Variants in DCP1A observed in about 807,000 individuals in gnomAD.
DCP1A encodes decapping mRNA 1A.
DCP1A carries 20 observed loss-of-function variants against 58.0 expected under a neutral mutation model. That is an observed-to-expected ratio of 0.34 (90% confidence interval 0.24 to 0.50). The LOEUF (loss-of-function observed/expected upper bound fraction) is 0.50. DCP1A is among the 20% of genes least tolerant of loss of function. DCP1A has a pLI of 0.98. For missense variants in DCP1A, 613 were observed against 712.2 expected, an observed-to-expected ratio of 0.86 and a Z score of 1.59; for synonymous variants, 285 against 275.1, an observed-to-expected ratio of 1.04 and a Z score of -0.36.
rs782462657 is a variant in DCP1A, at chr3:53,292,062, C to T, written c.1383+7G>A. On this transcript the variant is annotated splice_region_variant and intron_variant, in intron 7 of 9. Coordinates refer to ENST00000610213, the MANE Select transcript of DCP1A (RefSeq NM_018403.7). ...CACTCTGCCCACCCCCACCCTCCTGCCATTACCTGAAGGGGAGCAAGCACC... is the reference window on the plus strand; with the variant it reads ...CACTCTGCCCACCCCCACCCTCCTGTCATTACCTGAAGGGGAGCAAGCACC... 1.3e-5 allele frequency: 21 copies of T among 1,604,214 alleles called. No homozygotes were observed. Among genetic ancestry groups the T allele is most frequent in the Non-Finnish European group, 1.6e-5 (19 of 1,175,242 alleles).
At chr3:53,308,193 G>A (rs1457932658) in intron 5 of DCP1A, among the ~76,000 whole-genome samples, 8 of 151,792 alleles carry the variant, frequency 5.3e-5, no homozygotes, top group South Asian at 4.2e-4. Flanking sequence ...AATATAAAAC[G>A]TTCTCTGTAA....
rs138110149 is a variant in DCP1A at position 53,344,870 on chromosome 3, TAA to T, written c.176+30_176+31del. ...TTCACATTGTTCACCACTAGACTGT[TAA>T]AAACAAATATACATATTTTAAAAAC... On this transcript the variant is annotated intron_variant, in intron 2 of 9. Transcript: ENST00000610213. 2.4e-4 allele frequency: 370 copies of T among 1,528,048 alleles called. 1 individual carries two copies. In the African/African-American group the frequency reaches 4.6e-3, roughly 19 times the overall value. The allele number at this position is 1,528,048 out of a possible 1,614,324, so 94.7% of individuals were successfully genotyped here.
rs1459175457 is a variant in DCP1A, at chr3:53,292,167, C to G, written c.1285G>C (p.Ala429Pro). 1 of 1,613,974 alleles carries G rather than the reference C, an allele frequency of 6.2e-7. No individual in the cohort carries two copies. The highest frequency in any genetic ancestry group is 8.5e-7 in the Non-Finnish European group (1 of 1,179,894). ...ASFSPAAGQLATPESFIEPPS... is the reference protein window; with the variant it reads ...ASFSPAAGQLPTPESFIEPPS... ...GGCTCTATGAAGCTCTCAGGTGTGG[C>G]TAGCTGACCAGCTGCCGGAGAAAAG... The change falls in exon 7 of 10, where the codon GCC becomes CCC. Residue 429 changes from alanine (A) to proline (P), a missense_variant. By Grantham distance (27) the Ala-to-Pro change is conservative. This residue lies in a region of DCP1A where 498 missense variants were observed against 556.7 expected (regional missense o/e 0.89). Coordinates refer to ENST00000610213, the MANE Select transcript of DCP1A (RefSeq NM_018403.7).
rs147725084 is a variant in DCP1A at position 53,312,783 on chromosome 3, G to A, written c.372-404C>T. On this transcript the variant is annotated intron_variant, in intron 4 of 9. Transcript: ENST00000610213. ...TGGGATTACAGGCCTGAGCCACCGCGCCCAGCCGATTACATTATTCTTGCA... is the reference window on the plus strand; with the variant it reads ...TGGGATTACAGGCCTGAGCCACCGCACCCAGCCGATTACATTATTCTTGCA... 9.5e-3 allele frequency among the ~76,000 whole-genome samples: 1,450 copies of A among 152,060 alleles called. 24 individuals are homozygous for A. Among genetic ancestry groups the A allele is most frequent in the African/African-American group, 0.033 (1,388 of 41,496 alleles).
chr3:53,296,116 T>C (rs1173509447), intron 6 of DCP1A, among the ~76,000 whole-genome samples: 2 of 152,126 alleles, frequency 1.3e-5, no homozygotes, highest in Non-Finnish European at 2.9e-5. Context: ...GGTCTCAAAC[T>C]TCTTCTGACC....
Position 53,292,442 on chromosome 3 carries a change from C to G in DCP1A, c.1010G>C (p.Arg337Pro). Residue 337 changes from arginine (R) to proline (P), a missense_variant, in exon 7 of 10, where the codon CGA becomes CCA. Around this residue, in one of 3 missense-constraint regions of DCP1A, gnomAD observed 498 missense variants for 556.7 expected, o/e 0.89. Coordinates refer to ENST00000610213, the MANE Select transcript of DCP1A (RefSeq NM_018403.7). ...PTAQVPPSLP[R>P]NSTMMQAVKT... The stretch of plus-strand genomic sequence containing the variant: ...CACTGCCTGCATCATGGTGCTGTTT[C>G]GAGGTAAGCTGGGGGGAACCTGTGC... The G allele has an allele frequency of 1.9e-6, 3 of 1,613,888 alleles. No individual in the cohort carries two copies. The highest frequency in any genetic ancestry group is 2.5e-6 in the Non-Finnish European group (3 of 1,179,878).
At position 53,292,786 on chromosome 3, in the gene DCP1A, T is replaced by C; in HGVS notation, c.666A>G (p.Leu222=). Reference sequence around the variant, plus strand: ...GTTCCTTTGGCAAAGAGGTTCCAAATAACTCTTCTACCGTCAGATGCTTGT... The same window carrying C: ...GTTCCTTTGGCAAAGAGGTTCCAAACAACTCTTCTACCGTCAGATGCTTGT... ...SGHKHLTVEE[L]FGTSLPKEQP... Residue 222 remains leucine, a synonymous_variant, in exon 7 of 10, where the codon TTA becomes TTG. Coordinates refer to ENST00000610213, the MANE Select transcript of DCP1A (RefSeq NM_018403.7). The C allele has an allele frequency of 6.2e-7, 1 of 1,611,946 alleles. No homozygotes were observed. Among genetic ancestry groups the C allele is most frequent in the Non-Finnish European group, 8.5e-7 (1 of 1,179,882 alleles).
At chr3:53,333,201 G>C (rs1409878111) in intron 3 of DCP1A, 1 of 149,712 alleles carries the variant, frequency 6.7e-6, no homozygotes, top group African/African-American at 2.5e-5. Flanking sequence ...GAGTGCAGTA[G>C]TGTGATCTTG....
In DCP1A at chr3:53,312,393, A is replaced by G. The variant is rs782408183; in HGVS notation, c.372-14T>C. 4.5e-6 allele frequency: 7 copies of G among 1,561,904 alleles called. No individual in the cohort carries two copies. Among genetic ancestry groups the G allele is most frequent in the Non-Finnish European group, 5.2e-6 (6 of 1,156,688 alleles). ...TCTTCTACCACACTAGAGGAGAAGA[A>G]CAAGGTTTTAGAAAGGCCTCTTGAA... On this transcript the variant is annotated splice_polypyrimidine_tract_variant and intron_variant, in intron 4 of 9. Transcript: ENST00000610213.
At chr3:53,288,385 A>C (rs553736453) in intron 8 of DCP1A, 102 bp from the exon 9 acceptor site, 436 of 834,274 alleles carry the variant, frequency 5.2e-4, no homozygotes, top group Non-Finnish European at 6.6e-4. Flanking sequence ...AGAAGAGTGG[A>C]GCACAGAGAC....
chr3:53,333,449 G>A (rs1553691562), intron 3 of DCP1A, among the ~76,000 whole-genome samples: 5 of 151,986 alleles, frequency 3.3e-5, no homozygotes, highest in Non-Finnish European at 1.5e-5. Flanking sequence ...TGGCCAGCAG[G>A]GTTTTTTATA....
rs538274816 is a variant in DCP1A, at chr3:53,314,131, C to T, written c.372-1752G>A. 2.6e-5 allele frequency among the ~76,000 whole-genome samples: 4 copies of T among 152,092 alleles called. No individual in the cohort carries two copies. The South Asian group carries it at 8.3e-4, about 32-fold the overall frequency. ...CTGGTCTCAAACTCCTGGCCTCAAG[C>T]AATCCTCCCACCTCAGCCTCCCAAA... On this transcript the variant is annotated intron_variant, in intron 4 of 9. Transcript: ENST00000610213.
chr3:53,313,870 TA>T (rs1215690959), intron 4 of DCP1A, among the ~76,000 whole-genome samples: 1 of 150,598 alleles, frequency 6.6e-6, no homozygotes, highest in African/African-American at 2.4e-5. Context: ...TAAACCGACT[TA>T]AAAAAAAAGA....
At chr3:53,330,464 TGAGGATG>T (rs2088967484) in intron 3 of DCP1A, among the ~76,000 whole-genome samples, 1 of 151,006 alleles carries the variant, frequency 6.6e-6, no homozygotes, top group Admixed American at 6.6e-5. Flanking sequence ...GGGCAGTGGC[TGAGGATG>T]GAGGATCATT....
At chr3:53,319,819 GA>G (rs1367396312) in intron 3 of DCP1A, among the ~76,000 whole-genome samples, 1 of 152,164 alleles carries the variant, frequency 6.6e-6, no homozygotes, top group African/African-American at 2.4e-5. Context: ...TTGATTCTAA[GA>G]TGCATTCTAA....
intron 4 of DCP1A, 103 bp downstream of exon 4, chr3:53,319,304 G>A (rs1553689615): frequency 2.9e-6 from 2 of 688,754 alleles, no homozygotes; most frequent in African/African-American, 1.8e-5. Context: ...AGAAATTGGG[G>A]AAATACATGA....
chr3:53,287,535 T>C lies in DCP1A; in HGVS notation c.*45A>G. On this transcript the variant is annotated 3_prime_UTR_variant, in exon 10 of 10. Coordinates refer to ENST00000610213, the MANE Select transcript of DCP1A (RefSeq NM_018403.7). Reference sequence around the variant, plus strand: ...AGAAGTTTCCATGATGAAGCCTATTTGTCTCTGAGGCTGGGGCTCTGCCTT... The same window carrying C: ...AGAAGTTTCCATGATGAAGCCTATTCGTCTCTGAGGCTGGGGCTCTGCCTT... 1 of 1,353,638 alleles carries C rather than the reference T, an allele frequency of 7.4e-7. No homozygotes were observed. The highest frequency in any genetic ancestry group is 1.2e-5 in the South Asian group (1 of 84,736). The allele number at this position is 1,353,638 out of a possible 1,614,324, so 83.9% of individuals were successfully genotyped here.
At chr3:53,343,250 T>C (rs2089241730) in intron 2 of DCP1A, among the ~76,000 whole-genome samples, 1 of 152,260 alleles carries the variant, frequency 6.6e-6, no homozygotes, top group Non-Finnish European at 1.5e-5. Context: ...TTCAGGTTTT[T>C]TGACTCCAAA....
At chr3:53,344,127 A>C (rs2089260613) in intron 2 of DCP1A, among the ~76,000 whole-genome samples, 2 of 152,054 alleles carry the variant, frequency 1.3e-5, no homozygotes, top group South Asian at 4.1e-4. Context: ...AATCCTTATG[A>C]AGCAACTCAA....
Sources: allele counts gnomAD v4.1 joint callset (sites outside exome capture counted in the v4.1 genomes callset), GRCh38; gene constraint gnomAD v4.1.1; regional missense constraint gnomAD v4.1.1; transcripts MANE v1.5; gene names NCBI Gene and HGNC (gene_info 2026-07-23, HGNC 2026-07-21).